NAALADL2: variants seen among roughly 807,000 people sequenced by gnomAD.
The protein encoded by NAALADL2 is N-acetylated alpha-linked acidic dipeptidase like 2, also known as inactive N-acetylated-alpha-linked acidic dipeptidase-like protein 2.
In NAALADL2, 76 loss-of-function variants were observed where a neutral mutation model predicts 87.2. The ratio of observed to expected loss-of-function variants is 0.87; its 90% confidence interval spans 0.72 to 1.05. The LOEUF is 1.05. Among genes scored for constraint, NAALADL2 ranks in the 50% least tolerant of loss-of-function variants. NAALADL2 has a pLI of 0.00. For synonymous variants in NAALADL2, 354 were observed against 331.0 expected, an observed-to-expected ratio of 1.07 and a Z score of -0.75; for missense variants, 1,089 against 945.8, an observed-to-expected ratio of 1.15 and a Z score of -1.99.
chr3:174,667,757 G>C (rs188686602), intron 2 of NAALADL2, among the ~76,000 whole-genome samples: 3 of 151,948 alleles, frequency 2.0e-5, no homozygotes, highest in African/African-American at 7.2e-5. Flanking sequence ...TCTGGTGAAG[G>C]GGAGGTTAAA....
At chr3:174,713,265 C>T (rs1311087518) in intron 2 of NAALADL2, among the ~76,000 whole-genome samples, 13 of 152,136 alleles carry the variant, frequency 8.5e-5, no homozygotes, top group Non-Finnish European at 1.3e-4. Flanking sequence ...AATAAACATA[C>T]GTGTGCATGT....
At chr3:175,217,915 G>A (rs1026002247) in intron 2 of NAALADL2, among the ~76,000 whole-genome samples, 17 of 152,274 alleles carry the variant, frequency 1.1e-4, no homozygotes, top group Non-Finnish European at 1.6e-4. Context: ...CAGTTTGTAC[G>A]TATAGAAGCC....
rs529788016 is a variant in NAALADL2 at position 175,792,729 on chromosome 3, G to A, written c.2190-10276G>A. On this transcript the variant is annotated intron_variant, in intron 13 of 13. Coordinates refer to ENST00000454872, the MANE Select transcript of NAALADL2 (RefSeq NM_207015.3). ...TCACATTGGCTTAACTGACGTAATT[G>A]AAAATCAAGAGGAAGTGCAGATGTT... Among the ~76,000 whole-genome samples the A allele has an allele frequency of 7.9e-5, 12 of 152,278 alleles. No homozygotes were observed. The East Asian group carries it at 2.3e-3, about 29-fold the overall frequency.
At chr3:174,882,613 G>A (rs62637868) in intron 1 of NAALADL2, among the ~76,000 whole-genome samples, 5 of 135,504 alleles carry the variant, frequency 3.7e-5, no homozygotes, top group African/African-American at 1.7e-4. Flanking sequence ...ACATATATGT[G>A]CATATGCATA....
At chr3:175,195,360 T>C (rs1314502987) in intron 2 of NAALADL2, among the ~76,000 whole-genome samples, 1 of 151,724 alleles carries the variant, frequency 6.6e-6, no homozygotes, top group Non-Finnish European at 1.5e-5. Flanking sequence ...ATATCATATG[T>C]TGGATGATGA....
chr3:174,882,636 CACATATGTGCATA>C, intron 1 of NAALADL2, among the ~76,000 whole-genome samples: 1 of 88,556 alleles, frequency 1.1e-5, no homozygotes, highest in Admixed American at 1.3e-4. Context: ...TGTGCATATA[CACATATGTGCATA>C]TACACATATG....
intron 3 of NAALADL2, among the ~76,000 whole-genome samples, chr3:174,748,054 C>T (rs531295783): frequency 1.3e-5 from 2 of 152,202 alleles, no homozygotes; most frequent in East Asian, 1.9e-4. Flanking sequence ...AGCAAACTAA[C>T]ACAGGAACAG....
intron 1 of NAALADL2, among the ~76,000 whole-genome samples, chr3:174,934,933 A>G (rs1737460698): frequency 1.3e-5 from 2 of 151,764 alleles, no homozygotes; most frequent in Admixed American, 1.3e-4. Context: ...GCTTCCCCAC[A>G]TAAAGTCATA....
intron 2 of NAALADL2, among the ~76,000 whole-genome samples, chr3:174,610,256 C>T (rs1216195586): frequency 6.6e-6 from 1 of 151,938 alleles, no homozygotes; most frequent in African/African-American, 2.4e-5. Context: ...TAGGCATGGG[C>T]AAGGACTTCA....
chr3:174,716,251 G>A (rs1731177328), intron 2 of NAALADL2, among the ~76,000 whole-genome samples: 2 of 152,110 alleles, frequency 1.3e-5, no homozygotes, highest in South Asian at 2.1e-4. Flanking sequence ...AGGCATACCT[G>A]TTTGACCAGC....
intron 2 of NAALADL2, among the ~76,000 whole-genome samples, chr3:175,219,426 A>G (rs1216552743): frequency 2.6e-5 from 4 of 152,128 alleles, no homozygotes; most frequent in Non-Finnish European, 5.9e-5. Context: ...TATTATCTGG[A>G]TGAAAGTCTT....
chr3:174,942,531 A>T (rs1738766859), intron 1 of NAALADL2, among the ~76,000 whole-genome samples: 1 of 152,126 alleles, frequency 6.6e-6, no homozygotes, highest in Non-Finnish European at 1.5e-5. Context: ...CTTCTTGTGT[A>T]GACTCTTGCA....
chr3:175,701,138 T>C (rs115196100), intron 11 of NAALADL2, among the ~76,000 whole-genome samples: 2 of 152,122 alleles, frequency 1.3e-5, no homozygotes, highest in African/African-American at 4.8e-5. Context: ...AGGTTTACAG[T>C]GCAGAAGGAG....
chr3:174,871,350 G>T (rs1727796398), intron 1 of NAALADL2, among the ~76,000 whole-genome samples: 1 of 152,138 alleles, frequency 6.6e-6, no homozygotes, highest in African/African-American at 2.4e-5. Flanking sequence ...GGTATGAAGA[G>T]AAAATTATTC....
intron 3 of NAALADL2, among the ~76,000 whole-genome samples, chr3:174,841,835 C>G (rs1342427996): frequency 6.6e-6 from 1 of 152,090 alleles, no homozygotes; most frequent in Non-Finnish European, 1.5e-5. Context: ...TTGGTAAATT[C>G]ATCATTCTAT....
At chr3:174,464,127 A>G (rs113850125) in intron 1 of NAALADL2, among the ~76,000 whole-genome samples, 59 of 152,154 alleles carry the variant, frequency 3.9e-4, no homozygotes, top group African/African-American at 1.3e-3. Flanking sequence ...CTTGATTTCA[A>G]CCTTTATTAT....
At chr3:175,247,897 A>T (rs1748281516) in intron 3 of NAALADL2, among the ~76,000 whole-genome samples, 2 of 152,170 alleles carry the variant, frequency 1.3e-5, no homozygotes, top group Non-Finnish European at 1.5e-5. Flanking sequence ...TTGGGTCCCG[A>T]TGATCTAATT....
intron 2 of NAALADL2, among the ~76,000 whole-genome samples, chr3:175,172,211 A>G (rs1020736995): frequency 2.0e-5 from 3 of 152,042 alleles, no homozygotes; most frequent in African/African-American, 7.2e-5. Context: ...TACATTGATA[A>G]TGTAATCATA....
intron 3 of NAALADL2, among the ~76,000 whole-genome samples, chr3:174,779,227 C>T (rs1336798443): frequency 1.3e-5 from 2 of 152,134 alleles, no homozygotes; most frequent in Non-Finnish European, 2.9e-5. Context: ...CTCTAATGAC[C>T]AGTGATGATG....
Sources: allele counts gnomAD v4.1 joint callset (sites outside exome capture counted in the v4.1 genomes callset), GRCh38; gene constraint gnomAD v4.1.1; transcripts MANE v1.5; gene names NCBI Gene and HGNC (gene_info 2026-07-23, HGNC 2026-07-21).